Variants in TTC3 observed in about 807,000 individuals in gnomAD.
The protein encoded by TTC3 is E3 ubiquitin-protein ligase TTC3.
A neutral mutation model predicts 249.6 loss-of-function variants in TTC3; 180 were observed. The observed-to-expected ratio is 0.72, with a 90% CI of 0.64 to 0.82. TTC3 has a LOEUF of 0.82. TTC3 is among the 40% of genes least tolerant of loss of function. The pLI is 0.00. For missense variants in TTC3, 2,061 were observed against 2,398.4 expected, an observed-to-expected ratio of 0.86 and a Z score of 2.94; for synonymous variants, 717 against 805.0, an observed-to-expected ratio of 0.89 and a Z score of 1.85.
At chr21:37,109,781 C>G (rs567833120) in intron 11 of TTC3, among the ~76,000 whole-genome samples, 89 of 152,204 alleles carry the variant, frequency 5.8e-4, no homozygotes, top group Non-Finnish European at 1.1e-3. Flanking sequence ...GGTCCCTGAC[C>G]CCCGAGTAGC....
intron 15 of TTC3, among the ~76,000 whole-genome samples, chr21:37,127,235 T>C (rs2077106786): frequency 6.6e-6 from 1 of 152,146 alleles, no homozygotes; most frequent in Non-Finnish European, 1.5e-5. Context: ...AGGTTCCACT[T>C]CCTATTACCA....
At chr21:37,192,257 T>A in intron 41 of TTC3, 44 bp downstream of exon 41, 1 of 1,316,384 alleles carries the variant, frequency 7.6e-7, no homozygotes, top group Non-Finnish European at 1.1e-6. Flanking sequence ...CCATAATTCA[T>A]TTGTTAACTG....
chr21:37,195,527 C>T (rs1283271827), intron 41 of TTC3, 148 bp from the exon 42 acceptor site: 5 of 1,158,370 alleles, frequency 4.3e-6, no homozygotes, highest in Non-Finnish European at 4.8e-6. Context: ...TCTTTTAAAA[C>T]GAAAATATTT....
At chr21:37,185,637 T>C in intron 36 of TTC3, 69 bp from the exon 37 acceptor site, 1 of 829,800 alleles carries the variant, frequency 1.2e-6, no homozygotes, top group Non-Finnish European at 1.8e-6. Flanking sequence ...ATGGGTGCAA[T>C]TTACTGTGTG....
exon 12 of TTC3, chr21:37,121,909 T>C: frequency 6.2e-7 from 1 of 1,613,266 alleles, no homozygotes; most frequent in Non-Finnish European, 8.5e-7. Flanking sequence ...TCTGTAAAAA[T>C]GACCCTGAGG....
At chr21:37,167,827 T>G (rs1382068184) in intron 34 of TTC3, among the ~76,000 whole-genome samples, 2 of 152,062 alleles carry the variant, frequency 1.3e-5, no homozygotes, top group Non-Finnish European at 2.9e-5. Flanking sequence ...CCAGCATACT[T>G]ATTTCAAATT....
intron 35 of TTC3, among the ~76,000 whole-genome samples, chr21:37,175,538 A>G (rs565749496): frequency 4.0e-4 from 58 of 146,024 alleles, no homozygotes; most frequent in African/African-American, 1.4e-3. Context: ...CAGAGGTTGC[A>G]GTGAGCCAAG....
intron 7 of TTC3, chr21:37,091,629 T>C (rs1041939254): frequency 5.8e-6 from 1 of 173,722 alleles, no homozygotes; most frequent in African/African-American, 2.4e-5. Context: ...TTGCCCAGGC[T>C]GGAGTGCAGT....
intron 16 of TTC3, 57 bp from the exon 17 acceptor site, chr21:37,132,625 T>C: frequency 4.9e-6 from 7 of 1,419,132 alleles, no homozygotes; most frequent in Non-Finnish European, 6.7e-6. Context: ...ATTTTTTCTT[T>C]ATATGAGTAG....
intron 45 of TTC3, among the ~76,000 whole-genome samples, chr21:37,200,667 G>A (rs765740581): frequency 4.6e-5 from 7 of 152,170 alleles, no homozygotes; most frequent in Non-Finnish European, 1.0e-4. Flanking sequence ...TTGACTTAGT[G>A]TAGTATATGA....
rs2083268671 is a variant in TTC3, at chr21:37,186,312, C to T, written c.4826+538C>T. On this transcript the variant is annotated intron_variant, in intron 37 of 45. Transcript: ENST00000355666. The stretch of plus-strand genomic sequence containing the variant: ...CACTATTGTTTCTTACGCACATTCC[C>T]ATCCCGGTTTTTGAATAATTTTGTA... 2.0e-5 allele frequency among the ~76,000 whole-genome samples: 3 copies of T among 152,212 alleles called. No homozygotes were observed. In the South Asian group the frequency reaches 6.2e-4, roughly 32 times the overall value.
intron 16 of TTC3, among the ~76,000 whole-genome samples, chr21:37,130,800 C>CTTTCT (rs55746303): frequency 0.53 from 80,608 of 151,410 alleles, 22,059 homozygotes; most frequent in African/African-American, 0.64. Flanking sequence ...TCTTTTTCTT[C>CTTTCT]TTCCTTTGAG....
At position 37,093,693 on chromosome 21, in the gene TTC3, G is replaced by C. The variant is rs2073589646; in HGVS notation, c.602-312G>C. Among the ~76,000 whole-genome samples the C allele has an allele frequency of 4.6e-5, 7 of 152,058 alleles. No homozygotes were observed. In the South Asian group the frequency reaches 1.0e-3, roughly 23 times the overall value. On this transcript the variant is annotated intron_variant, in intron 7 of 45. Transcript: ENST00000355666. ...GGCCTATTTGGAATATGTTATGACA[G>C]AGCATTTATTGTAAATACAATTACA...
chr21:37,134,952 G>C (rs1441653810), intron 17 of TTC3, among the ~76,000 whole-genome samples: 1 of 152,142 alleles, frequency 6.6e-6, no homozygotes, highest in African/African-American at 2.4e-5. Flanking sequence ...GAGCAGGATG[G>C]CAGTTGTTAA....
intron 1 of TTC3, among the ~76,000 whole-genome samples, chr21:37,074,090 G>T (rs1695058393): frequency 6.6e-6 from 1 of 152,230 alleles, no homozygotes; most frequent in Non-Finnish European, 1.5e-5. Flanking sequence ...TGCGTGTCAC[G>T]ACTCTGTTGC....
At chr21:37,198,139 T>G in intron 44 of TTC3, 114 bp downstream of exon 44, 6 of 1,280,102 alleles carry the variant, frequency 4.7e-6, no homozygotes, top group Non-Finnish European at 6.3e-6. Flanking sequence ...ATCCCAACAT[T>G]AGAAACTGAA....
rs574335558 is a variant in TTC3, at chr21:37,131,074, A to C, written c.1359-1608A>C. Among the ~76,000 whole-genome samples the C allele has an allele frequency of 2.3e-4, 35 of 152,300 alleles. 1 individual carries two copies. The highest frequency in any genetic ancestry group is 7.2e-4 in the African/African-American group (30 of 41,570). On this transcript the variant is annotated intron_variant, in intron 16 of 45. Transcript: ENST00000355666. Reference sequence around the variant, plus strand: ...TATATATATATTTGGTATTTGTCCCAGTTCCTGGTACAGAGCTCCCAAAAC... The same window carrying C: ...TATATATATATTTGGTATTTGTCCCCGTTCCTGGTACAGAGCTCCCAAAAC...
chr21:37,095,607 G>C, intron 9 of TTC3, 163 bp downstream of exon 9: 1 of 473,132 alleles, frequency 2.1e-6, no homozygotes, highest in Non-Finnish European at 3.7e-6. Context: ...AGATGGCCTG[G>C]GTATATGAAG....
At chr21:37,114,991 A>G (rs1225897024) in intron 11 of TTC3, among the ~76,000 whole-genome samples, 5 of 151,938 alleles carry the variant, frequency 3.3e-5, no homozygotes, top group Non-Finnish European at 7.4e-5. Flanking sequence ...ATGAGAGCAC[A>G]TGGACACAGG....
Sources: gnomAD v4.1 joint callset for allele counts (sites outside exome capture counted in the v4.1 genomes callset) on GRCh38, gnomAD v4.1.1 for gene constraint, MANE v1.5 for transcripts, NCBI Gene and HGNC (gene_info 2026-07-23, HGNC 2026-07-21) for gene names.